The following EPRS1 variants were observed in gnomAD, a reference collection of about 807,000 sequenced individuals.
EPRS1 encodes the protein glutamyl-prolyl-tRNA synthetase 1, also known as bifunctional glutamate/proline--tRNA ligase.
EPRS1 carries 107 observed loss-of-function variants against 188.3 expected under a neutral mutation model. The ratio of observed to expected loss-of-function variants is 0.57; its 90% CI spans 0.49 to 0.67. The LOEUF (loss-of-function observed/expected upper bound fraction) is 0.67, where lower values mean the gene tolerates loss of function less well. Among genes scored for constraint, EPRS1 ranks in the 30% least tolerant of loss-of-function variants. The pLI is 0.00. For synonymous variants in EPRS1, 596 were observed against 593.1 expected (o/e 1.00, Z -0.07); for missense variants, 1,577 against 1,802.2 (o/e 0.88, Z 2.26).
chr1:219,977,867 T>C (rs1660809338), intron 28 of EPRS1, among the ~76,000 whole-genome samples: 1 of 152,160 alleles, frequency 6.6e-6, no homozygotes, highest in Non-Finnish European at 1.5e-5. Context: ...GCAATCTCAA[T>C]ACATTCTCTC....
At position 220,022,016 on chromosome 1, in the gene EPRS1, T is replaced by C. The variant is rs182829727; in HGVS notation, c.1115+331A>G. Reference sequence around the variant, plus strand: ...CTTTTAGGAATCAATTTGTGCAAAGTAGACTCAAAGTTTATTACAGGAAGC... The same window carrying C: ...CTTTTAGGAATCAATTTGTGCAAAGCAGACTCAAAGTTTATTACAGGAAGC... On this transcript the variant is annotated intron_variant, in intron 9 of 31. Coordinates refer to ENST00000366923, the MANE Select transcript of EPRS1 (RefSeq NM_004446.3). Among the ~76,000 whole-genome samples, 6 of 152,314 alleles carry C rather than the reference T, an allele frequency of 3.9e-5. 1 individual carries two copies. The East Asian group carries it at 1.2e-3, about 29-fold the overall frequency.
At chr1:220,013,491 TA>T (rs1374963833) in intron 12 of EPRS1, among the ~76,000 whole-genome samples, 2 of 152,152 alleles carry the variant, frequency 1.3e-5, no homozygotes, top group Non-Finnish European at 2.9e-5. Flanking sequence ...AAATCTAGCT[TA>T]TTTTTTTTAA....
chr1:220,003,041 G>A (rs200926209), intron 16 of EPRS1, among the ~76,000 whole-genome samples: 4 of 152,276 alleles, frequency 2.6e-5, no homozygotes, highest in East Asian at 3.9e-4. Flanking sequence ...TTAATTTTTG[G>A]AGGAATCATC....
At chr1:219,997,767 AG>A (rs1034117661) in intron 17 of EPRS1, among the ~76,000 whole-genome samples, 2 of 152,196 alleles carry the variant, frequency 1.3e-5, no homozygotes, top group Non-Finnish European at 2.9e-5. Flanking sequence ...GAAAATAAAA[AG>A]TAATCTGTGT....
Position 219,980,962 on chromosome 1 carries a change from C to T in EPRS1, c.3454-105G>A, listed in dbSNP as rs1441791433. 3 of 703,672 alleles carry T rather than the reference C, an allele frequency of 4.3e-6. No homozygotes were observed. In the East Asian group the frequency reaches 8.2e-5, roughly 19 times the overall value. The allele number at this position is 703,672 out of a possible 1,614,324, so 43.6% of individuals were successfully genotyped here. On this transcript the variant is annotated intron_variant, in intron 24 of 31. Transcript: ENST00000366923. Reference sequence around the variant, plus strand: ...TCCCCCAGGCTGGAGTGCAGTGGTGCAATCATGACTCACTGAAACCTCTGC... The same window carrying T: ...TCCCCCAGGCTGGAGTGCAGTGGTGTAATCATGACTCACTGAAACCTCTGC...
chr1:219,973,932 G>A (rs1208795951), intron 28 of EPRS1, among the ~76,000 whole-genome samples: 6 of 151,896 alleles, frequency 4.0e-5, no homozygotes, highest in African/African-American at 7.3e-5. Flanking sequence ...TTGGGGATGC[G>A]ACCTGAGAAT....
chr1:220,028,286 A>G (rs1662022024), intron 6 of EPRS1, among the ~76,000 whole-genome samples: 1 of 152,234 alleles, frequency 6.6e-6, no homozygotes, highest in Admixed American at 6.5e-5. Flanking sequence ...TTTAAAATAC[A>G]GAAATTAATT....
chr1:219,997,477 T>G lies in EPRS1; in HGVS notation c.2182-135A>C, dbSNP rs533714945. ...TTTAAACTTCAATCCCTTAAAAAGC[T>G]TAAATGAATAATCTCCTAAGTATTT... is the stretch of plus-strand genomic sequence containing the variant. On this transcript the variant is annotated intron_variant, in intron 17 of 31. Coordinates refer to ENST00000366923, the MANE Select transcript of EPRS1 (RefSeq NM_004446.3). The G allele has an allele frequency of 6.2e-5, 46 of 740,678 alleles. No individual in the cohort carries two copies. The African/African-American group carries it at 7.1e-4, about 11-fold the overall frequency. The allele number at this position is 740,678 out of a possible 1,614,324, so 45.9% of individuals were successfully genotyped here.
In EPRS1 at chr1:220,046,485, C is replaced by G. The variant is rs1052380194; in HGVS notation, c.-97G>C. On this transcript the variant is annotated 5_prime_UTR_variant, in exon 1 of 32. Coordinates refer to ENST00000366923, the MANE Select transcript of EPRS1 (RefSeq NM_004446.3). ...GAAGAAGATGCAACGTGTGCGCGTA[C>G]CCGACGCCGCCGCAGCCTTCGCTCC... 39 of 1,531,992 alleles carry G rather than the reference C, an allele frequency of 2.5e-5. No individual in the cohort carries two copies. The highest frequency in any genetic ancestry group is 4.0e-5 in the Admixed American group (2 of 50,602). 94.9% of individuals were successfully genotyped at this position (1,531,992 alleles called of 1,614,324 possible).
intron 12 of EPRS1, chr1:220,018,123 T>C: frequency 1.5e-6 from 2 of 1,328,222 alleles, no homozygotes; most frequent in Non-Finnish European, 2.0e-6. Context: ...CATTAAGTAA[T>C]ACCTTCTTAC....
intron 14 of EPRS1, 98 bp from the exon 15 acceptor site, chr1:220,006,411 T>G: frequency 5.7e-6 from 2 of 350,694 alleles, no homozygotes; most frequent in Non-Finnish European, 9.4e-6. Context: ...TATAAAATAA[T>G]TTATTGTTTT....
chr1:220,036,614 A>G (rs1187761133), intron 2 of EPRS1, among the ~76,000 whole-genome samples: 1 of 152,194 alleles, frequency 6.6e-6, no homozygotes, highest in Non-Finnish European at 1.5e-5. Context: ...TCTCTCACTT[A>G]TAAGTGGGAG....
chr1:220,005,402 ATAG>A (rs779988566), intron 15 of EPRS1, 42 bp from the exon 16 acceptor site: 4 of 1,009,024 alleles, frequency 4.0e-6, no homozygotes, highest in Non-Finnish European at 6.0e-6. Flanking sequence ...TCTCAAAATC[ATAG>A]TAGTAAAATA....
chr1:220,038,169 A>C (rs1571699737), intron 2 of EPRS1, among the ~76,000 whole-genome samples: 1 of 141,694 alleles, frequency 7.1e-6, no homozygotes, highest in African/African-American at 2.6e-5. Flanking sequence ...TGCAACCTCC[A>C]CCTCCCGGGT....
chr1:220,033,443 T>C, intron 4 of EPRS1, 59 bp downstream of exon 4: 1 of 1,305,270 alleles, frequency 7.7e-7, no homozygotes, highest in Non-Finnish European at 1.1e-6. Context: ...ATATATATAA[T>C]TTTTATCCAG....
At chr1:220,022,599 T>G (rs1661898997) in intron 8 of EPRS1, 81 bp from the exon 9 acceptor site, 1 of 1,181,374 alleles carries the variant, frequency 8.5e-7, no homozygotes, top group African/African-American at 1.5e-5. Context: ...TTGATATAAA[T>G]TTTCATGTTC....
intron 12 of EPRS1, chr1:220,018,188 T>C (rs973997721): frequency 2.8e-6 from 4 of 1,411,676 alleles, no homozygotes; most frequent in Non-Finnish European, 3.8e-6. Context: ...TCATAAAAAA[T>C]TTAAGGAAAA....
intron 18 of EPRS1, among the ~76,000 whole-genome samples, chr1:219,990,302 G>T (rs992033036): frequency 6.6e-6 from 1 of 151,982 alleles, no homozygotes; most frequent in African/African-American, 2.4e-5. Flanking sequence ...AATTACTCAG[G>T]TTATTCTTCC....
At chr1:220,042,717 C>G (rs866519990) in intron 1 of EPRS1, among the ~76,000 whole-genome samples, 5 of 151,428 alleles carry the variant, frequency 3.3e-5, no homozygotes, top group Non-Finnish European at 5.9e-5. Context: ...GTCAAGAGAT[C>G]GAGACCATCC....
Sources: allele counts gnomAD v4.1 joint callset (sites outside exome capture counted in the v4.1 genomes callset), GRCh38; gene constraint gnomAD v4.1.1; transcripts MANE v1.5; gene names NCBI Gene and HGNC (gene_info 2026-07-23, HGNC 2026-07-21).